ATF7IP: variants seen among roughly 807,000 people sequenced by gnomAD.
ATF7IP encodes activating transcription factor 7-interacting protein 1.
Under a neutral mutation model 106.4 loss-of-function variants are expected in ATF7IP, and 23 were observed. The ratio of observed to expected loss-of-function variants is 0.22; its 90% CI spans 0.16 to 0.31. ATF7IP has a LOEUF of 0.31. Ranked by LOEUF, ATF7IP falls within the 10% of genes least tolerant of loss-of-function variation. The pLI is 1.00. For synonymous variants in ATF7IP, 542 were observed against 539.0 expected, an observed-to-expected ratio of 1.01 and a Z score of -0.08; for missense variants, 1,334 against 1,524.3, an observed-to-expected ratio of 0.88 and a Z score of 2.08.
At chr12:14,395,525 A>G (rs917339790) in intron 1 of ATF7IP, among the ~76,000 whole-genome samples, 1 of 152,172 alleles carries the variant, frequency 6.6e-6, no homozygotes, top group Non-Finnish European at 1.5e-5. Context: ...CATGCATACA[A>G]TATGTTCATA....
At chr12:14,383,020 A>G (rs1164467392) in intron 1 of ATF7IP, among the ~76,000 whole-genome samples, 1 of 152,236 alleles carries the variant, frequency 6.6e-6, no homozygotes, top group Non-Finnish European at 1.5e-5. Flanking sequence ...ATTTATCTGA[A>G]TAACAGCCTA....
intron 1 of ATF7IP, among the ~76,000 whole-genome samples, chr12:14,403,509 T>C (rs965730385): frequency 6.6e-6 from 1 of 152,220 alleles, no homozygotes; most frequent in Non-Finnish European, 1.5e-5. Context: ...AGTATATTTA[T>C]TGAATTGATT....
intron 1 of ATF7IP, among the ~76,000 whole-genome samples, chr12:14,385,797 T>C (rs147716475): frequency 6.6e-6 from 1 of 152,268 alleles, no homozygotes; most frequent in East Asian, 1.9e-4. Context: ...GCACAAAGAC[T>C]ACAATTTTTC....
chr12:14,426,275 A>G (rs1346405828), intron 2 of ATF7IP, among the ~76,000 whole-genome samples: 1 of 152,212 alleles, frequency 6.6e-6, no homozygotes, highest in Non-Finnish European at 1.5e-5. Context: ...CAAACTGAAA[A>G]ACATTATTCC....
intron 5 of ATF7IP, among the ~76,000 whole-genome samples, chr12:14,441,836 T>TAA (rs947728294): frequency 6.6e-6 from 1 of 152,146 alleles, no homozygotes; most frequent in African/African-American, 2.4e-5. Flanking sequence ...AAACTCTTAT[T>TAA]AGATACATGA....
At chr12:14,464,078 TGA>T (rs1169147483) in intron 9 of ATF7IP, among the ~76,000 whole-genome samples, 1 of 152,216 alleles carries the variant, frequency 6.6e-6, no homozygotes, top group Non-Finnish European at 1.5e-5. Context: ...TTTGGGAGGC[TGA>T]GGCAGGAGGA....
At chr12:14,392,789 G>C (rs553312073) in intron 1 of ATF7IP, among the ~76,000 whole-genome samples, 1 of 152,274 alleles carries the variant, frequency 6.6e-6, no homozygotes, top group African/African-American at 2.4e-5. Flanking sequence ...AACTGAAATT[G>C]AGAGTTTATA....
chr12:14,432,428 A>T (rs1443581985), intron 2 of ATF7IP, among the ~76,000 whole-genome samples: 2 of 152,228 alleles, frequency 1.3e-5, no homozygotes, highest in Non-Finnish European at 2.9e-5. Flanking sequence ...ACAAATTTTT[A>T]TTTCACTGAA....
chr12:14,494,954 A>T (rs1444730900), intron 13 of ATF7IP, among the ~76,000 whole-genome samples: 1 of 141,612 alleles, frequency 7.1e-6, no homozygotes, highest in South Asian at 2.3e-4. Flanking sequence ...AAAAAAAAAA[A>T]AGATCCCACA....
intron 13 of ATF7IP, among the ~76,000 whole-genome samples, chr12:14,483,125 T>G (rs1302815003): frequency 6.6e-6 from 1 of 152,216 alleles, no homozygotes; most frequent in Non-Finnish European, 1.5e-5. Context: ...GATGACTACC[T>G]TCTTCTACTA....
chr12:14,461,189 A>G, intron 9 of ATF7IP, 56 bp downstream of exon 9: 5 of 1,488,332 alleles, frequency 3.4e-6, no homozygotes, highest in South Asian at 1.4e-5. Flanking sequence ...TAGCCTTGTA[A>G]TGATTGAACT....
At chr12:14,376,618 C>T (rs1006703764) in intron 1 of ATF7IP, among the ~76,000 whole-genome samples, 1 of 152,184 alleles carries the variant, frequency 6.6e-6, no homozygotes, top group Non-Finnish European at 1.5e-5. Context: ...ACTTAATGAG[C>T]TTTCATCTGC....
chr12:14,495,067 A>C (rs966217498), intron 13 of ATF7IP, among the ~76,000 whole-genome samples: 1 of 152,192 alleles, frequency 6.6e-6, no homozygotes. Context: ...AGCACAGGAA[A>C]AAGATGTAGG....
chr12:14,389,509 GA>G (rs766512677), intron 1 of ATF7IP, among the ~76,000 whole-genome samples: 2 of 152,080 alleles, frequency 1.3e-5, no homozygotes. Flanking sequence ...GTACAAATAA[GA>G]ATCATAAAAA....
chr12:14,439,689 C>T (rs746998356), intron 5 of ATF7IP, among the ~76,000 whole-genome samples: 4 of 151,930 alleles, frequency 2.6e-5, no homozygotes, highest in Admixed American at 1.3e-4. Flanking sequence ...AAAAATTAGC[C>T]GAGTGTGGTA....
rs1369089718 is a variant in ATF7IP, at chr12:14,496,279, G to A, written c.3329G>A (p.Gly1110Glu). The A allele has an allele frequency of 2.5e-6, 4 of 1,613,900 alleles. No individual in the cohort carries two copies. In the South Asian group the frequency reaches 4.4e-5, roughly 18 times the overall value. The change falls in exon 14 of 15, where the codon GGA becomes GAA. Residue 1110 changes from glycine to glutamate, a missense_variant. This residue lies in a region of ATF7IP where 370 missense variants were observed against 401.2 expected (regional missense o/e 0.92). Transcript: ENST00000261168. ...PQTTTYVVNN[G>E]LTLGSTGPQL... is the part of the protein sequence containing the mutation. Reference sequence around the variant, plus strand: ...ACAACCACATATGTTGTAAACAATGGACTAACCCTGGGATCAACAGGACCT... The same window carrying A: ...ACAACCACATATGTTGTAAACAATGAACTAACCCTGGGATCAACAGGACCT...
At chr12:14,370,122 A>G (rs544287547) in intron 1 of ATF7IP, among the ~76,000 whole-genome samples, 1 of 152,132 alleles carries the variant, frequency 6.6e-6, no homozygotes, top group South Asian at 2.1e-4. Flanking sequence ...TTTTTAGTAG[A>G]GACGAGGTTT....
At chr12:14,411,687 G>A (rs1176640634) in intron 1 of ATF7IP, among the ~76,000 whole-genome samples, 1 of 152,018 alleles carries the variant, frequency 6.6e-6, no homozygotes, top group Admixed American at 6.6e-5. Flanking sequence ...GTCTCGTATT[G>A]GGTATATGGT....
At position 14,424,393 on chromosome 12, in the gene ATF7IP, A is replaced by G; in HGVS notation, c.478A>G (p.Thr160Ala). Residue 160 changes from threonine to alanine, a missense_variant, in exon 2 of 15, where the codon ACC becomes GCC. By Grantham distance (58) the Thr-to-Ala change is moderately conservative. Transcript: ENST00000261168. ...TGGTGATTCCACCTCTGGTGATCCC[A>G]CCTCTAGCGAGCCCTCCTCTAGTGA... ...ASGDSTSGDP[T>A]SSEPSSSDAA... 1.2e-6 allele frequency: 2 copies of G among 1,612,670 alleles called. No homozygotes were observed. The highest frequency in any genetic ancestry group is 1.7e-4 in the Middle Eastern group (1 of 6,052).
Sources: gnomAD v4.1 joint callset for allele counts (sites outside exome capture counted in the v4.1 genomes callset) on GRCh38, gnomAD v4.1.1 for gene constraint, gnomAD v4.1.1 regional missense constraint, MANE v1.5 for transcripts, NCBI Gene and HGNC (gene_info 2026-07-23, HGNC 2026-07-21) for gene names.